Variants in OPCML observed in about 807,000 individuals in gnomAD.
The protein encoded by OPCML is opioid binding protein/cell adhesion molecule like, also known as opioid-binding protein/cell adhesion molecule.
Under a neutral mutation model 37.8 loss-of-function variants are expected in OPCML, and 13 were observed. The observed-to-expected ratio is 0.34, with a 90% CI of 0.22 to 0.55. The LOEUF is 0.55. Ranked by LOEUF, OPCML falls within the 20% of genes least tolerant of loss-of-function variation. The pLI is 0.91. For synonymous variants in OPCML, 176 were observed against 168.8 expected, an observed-to-expected ratio of 1.04 and a Z score of -0.33; for missense variants, 341 against 435.6, an observed-to-expected ratio of 0.78 and a Z score of 1.93.
At chr11:133,005,232 G>A (rs569713445) in intron 1 of OPCML, 19 of 985,376 alleles carry the variant, frequency 1.9e-5, no homozygotes, top group Middle Eastern at 5.2e-4. Context: ...GGGGAGAGAC[G>A]ATTTTAAAAG....
chr11:132,884,795 A>G (rs1361488427), intron 2 of OPCML, among the ~76,000 whole-genome samples: 1 of 152,250 alleles, frequency 6.6e-6, no homozygotes, highest in Non-Finnish European at 1.5e-5. Flanking sequence ...TTACTAAAAT[A>G]TATAGGTGGT....
chr11:132,578,041 C>T (rs969489223), intron 3 of OPCML, among the ~76,000 whole-genome samples: 1 of 152,078 alleles, frequency 6.6e-6, no homozygotes, highest in African/African-American at 2.4e-5. Flanking sequence ...AAAGAATATG[C>T]AACTCAATAT....
intron 4 of OPCML, among the ~76,000 whole-genome samples, chr11:132,463,586 A>G (rs2096110020): frequency 6.6e-6 from 1 of 152,188 alleles, no homozygotes; most frequent in Admixed American, 6.5e-5. Flanking sequence ...GATTGAGAGG[A>G]GCTGAGGGTT....
intron 3 of OPCML, among the ~76,000 whole-genome samples, chr11:132,576,201 A>G (rs1282258674): frequency 6.6e-6 from 1 of 152,020 alleles, no homozygotes; most frequent in Non-Finnish European, 1.5e-5. Flanking sequence ...TTCCTTCTCC[A>G]GGTTTGGAAA....
At chr11:132,748,981 C>G (rs1458835926) in intron 2 of OPCML, among the ~76,000 whole-genome samples, 4 of 152,262 alleles carry the variant, frequency 2.6e-5, no homozygotes, top group African/African-American at 9.6e-5. Flanking sequence ...TTTGTGCCTT[C>G]TCCTCCCTAA....
intron 1 of OPCML, among the ~76,000 whole-genome samples, chr11:133,055,240 G>A: frequency 6.8e-6 from 1 of 146,646 alleles, no homozygotes; most frequent in Non-Finnish European, 1.5e-5. Context: ...ATATAATGCT[G>A]CCTCCATGAT....
At chr11:132,487,433 A>G (rs2137051170) in intron 4 of OPCML, among the ~76,000 whole-genome samples, 1 of 152,308 alleles carries the variant, frequency 6.6e-6, no homozygotes, top group Non-Finnish European at 1.5e-5. Flanking sequence ...ATCTGTTCCC[A>G]CAGTCATTCA....
rs143026686 is a variant in OPCML, at chr11:132,795,269, T to G, written c.147-137950A>C. 4.2e-3 allele frequency among the ~76,000 whole-genome samples: 647 copies of G among 152,386 alleles called. 4 individuals carry two copies. Among genetic ancestry groups the G allele is most frequent in the African/African-American group, 0.013 (560 of 41,592 alleles). Reference sequence around the variant, plus strand: ...TAATTTTTAGTGATGTTTGAATTTGTATACTTGTACTGGAGAAGACTTTAA... The same window carrying G: ...TAATTTTTAGTGATGTTTGAATTTGGATACTTGTACTGGAGAAGACTTTAA... On this transcript the variant is annotated intron_variant, in intron 2 of 7. Coordinates refer to ENST00000524381, the MANE Select transcript of OPCML (RefSeq NM_001012393.5).
intron 1 of OPCML, among the ~76,000 whole-genome samples, chr11:133,098,429 A>G (rs7946743): frequency 0.064 from 9,780 of 152,008 alleles, 548 homozygotes; most frequent in East Asian, 0.28. Context: ...GTTAGCCAGG[A>G]TGGTCTCGGT....
intron 1 of OPCML, among the ~76,000 whole-genome samples, chr11:133,217,570 A>T (rs550975340): frequency 6.6e-6 from 1 of 152,194 alleles, no homozygotes; most frequent in East Asian, 1.9e-4. Flanking sequence ...GAGCCCATGG[A>T]GGTGGGTACT....
intron 1 of OPCML, among the ~76,000 whole-genome samples, chr11:132,974,704 G>GT (rs1241904183): frequency 1.3e-5 from 2 of 152,168 alleles, no homozygotes; most frequent in Non-Finnish European, 1.5e-5. Flanking sequence ...GCACATGTAT[G>GT]TTTATTGCAG....
intron 1 of OPCML, among the ~76,000 whole-genome samples, chr11:133,140,560 A>AGAAGAAGAAGAAGAAGAAGAAGAAGAG: frequency 6.8e-6 from 1 of 146,806 alleles, no homozygotes; most frequent in Non-Finnish European, 1.5e-5. Context: ...AAGAAGAAGA[A>AGAAGAAGAAGAAGAAGAAGAAGAAGAG]GAAGAAGAAG....
chr11:133,257,772 A>G (rs1397853754), intron 1 of OPCML, among the ~76,000 whole-genome samples: 2 of 151,952 alleles, frequency 1.3e-5, no homozygotes, highest in Admixed American at 1.3e-4. Context: ...TCATCATCCA[A>G]TAAACATTTA....
At chr11:132,833,101 T>C (rs987051235) in intron 2 of OPCML, among the ~76,000 whole-genome samples, 3 of 152,086 alleles carry the variant, frequency 2.0e-5, no homozygotes, top group Non-Finnish European at 4.4e-5. Context: ...ATTTTCTTTC[T>C]TCAATAATAA....
chr11:133,105,013 T>C (rs1463724912), intron 1 of OPCML, among the ~76,000 whole-genome samples: 3 of 152,238 alleles, frequency 2.0e-5, no homozygotes, highest in African/African-American at 7.2e-5. Flanking sequence ...TTATGTGTTA[T>C]AGATGTATAA....
chr11:132,552,524 G>A (rs2096384189), intron 3 of OPCML, among the ~76,000 whole-genome samples: 1 of 152,048 alleles, frequency 6.6e-6, no homozygotes, highest in East Asian at 1.9e-4. Context: ...GACGTTTTTT[G>A]AAGGCAACAA....
At chr11:132,457,939 C>T (rs1424172862) in intron 4 of OPCML, among the ~76,000 whole-genome samples, 8 of 152,164 alleles carry the variant, frequency 5.3e-5, no homozygotes, top group East Asian at 3.9e-4. Context: ...AAGTGTCTGC[C>T]GTGGAAGAGC....
intron 1 of OPCML, among the ~76,000 whole-genome samples, chr11:133,236,858 C>T (rs922138761): frequency 6.6e-6 from 1 of 151,472 alleles, no homozygotes. Flanking sequence ...AATGTGAGGT[C>T]CCATTCCAGC....
chr11:132,943,155 C>T lies in OPCML; in HGVS notation c.62-145G>A, dbSNP rs1945643274. The T allele has an allele frequency of 6.2e-7, 1 of 1,601,556 alleles. No homozygotes were observed. Among genetic ancestry groups the T allele is most frequent in the African/African-American group, 1.3e-5 (1 of 74,620 alleles). ...CACAGTCCTGGTCCCCCGCCCCGCG[C>T]ACCAGCGGGCTCGGGAAGCGGTGCG... On this transcript the variant is annotated intron_variant, in intron 1 of 7. Coordinates refer to ENST00000524381, the MANE Select transcript of OPCML (RefSeq NM_001012393.5). This position sits in a 1 kb window ranked among gnomAD's most constrained non-coding sequence, Gnocchi z 4.3.
Sources: allele counts gnomAD v4.1 joint callset (sites outside exome capture counted in the v4.1 genomes callset), GRCh38; gene constraint gnomAD v4.1.1; non-coding constraint Gnocchi (gnomAD v3.1); transcripts MANE v1.5; gene names NCBI Gene and HGNC (gene_info 2026-07-23, HGNC 2026-07-21).